Variants in PEX5 observed in about 807,000 individuals in gnomAD.
PEX5 encodes peroxisomal biogenesis factor 5, also known as PTS1 receptor.
PEX5 carries 52 observed loss-of-function variants against 82.9 expected under a neutral mutation model. That is an observed-to-expected ratio of 0.63 (90% confidence interval 0.50 to 0.79). The LOEUF is 0.79. Ranked by LOEUF, PEX5 falls within the 30% of genes least tolerant of loss-of-function variation. The probability of loss-of-function intolerance (pLI) is 0.00; values close to 1 mark genes in which losing one functional copy is unlikely to be tolerated. For missense variants in PEX5, 719 were observed against 815.2 expected, an observed-to-expected ratio of 0.88 and a Z score of 1.44; for synonymous variants, 300 against 318.8, an observed-to-expected ratio of 0.94 and a Z score of 0.63.
chr12:7,197,375 C>CATATACAATGTAATATATATGTT (rs1565688443), intron 5 of PEX5, among the ~76,000 whole-genome samples: 6 of 137,636 alleles, frequency 4.4e-5, no homozygotes, highest in African/African-American at 1.7e-4. Context: ...TTATATATGT[C>CATATACAATGTAATATATATGTT]ATATACAATG....
intron 10 of PEX5, among the ~76,000 whole-genome samples, chr12:7,205,832 A>G (rs1002226959): frequency 6.6e-6 from 1 of 152,228 alleles, no homozygotes; most frequent in Non-Finnish European, 1.5e-5. Context: ...GAGTTGTTGT[A>G]TTATCTAATG....
Position 7,209,743 on chromosome 12 carries a change from G to A in PEX5, c.1621G>A (p.Ala541Thr). 6.7e-7 allele frequency: 1 copy of A among 1,499,680 alleles called. No homozygotes were observed. Among genetic ancestry groups the A allele is most frequent in the Non-Finnish European group, 8.9e-7 (1 of 1,120,250 alleles). The allele number at this position is 1,499,680 out of a possible 1,614,324, so 92.9% of individuals were successfully genotyped here. A position where few individuals can be genotyped will look rare whatever the true frequency, so the allele number is the denominator to read the frequency against. ...TLANGNQSEE[A>T]VAAYRRALEL... is the part of the protein sequence containing the mutation. Reference sequence around the variant, plus strand: ...GGCCAATGGAAACCAGAGTGAAGAAGCAGTAGCTGCGTACCGCCGGGCCCT... The same window carrying A: ...GGCCAATGGAAACCAGAGTGAAGAAACAGTAGCTGCGTACCGCCGGGCCCT... The change falls in exon 15 of 16, where the codon GCA becomes ACA. Residue 541 changes from alanine (A) to threonine (T), a missense_variant. By Grantham distance (58) the Ala-to-Thr change is moderately conservative. Transcript: ENST00000675855.
In PEX5 at chr12:7,191,260, C is replaced by G. The variant is rs1224552400; in HGVS notation, c.218C>G (p.Pro73Arg). ...VAEFLQDQNA[P>R]LVSRAPQTFK... ...GAATTCCTGCAGGACCAGAATGCAC[C>G]CCTTGTGTCCCGTGCCCCTCAGACC... The change falls in exon 4 of 16, where the codon CCC becomes CGC. Residue 73 changes from proline (P) to arginine (R), a missense_variant. Physicochemically the swap from Pro to Arg is moderately radical, Grantham distance 103. Transcript: ENST00000675855. 4.3e-6 allele frequency: 7 copies of G among 1,614,092 alleles called. No individual in the cohort carries two copies. Among genetic ancestry groups the G allele is most frequent in the Non-Finnish European group, 5.9e-6 (7 of 1,179,980 alleles).
downstream of PEX5, among the ~76,000 whole-genome samples, chr12:7,213,759 C>G (rs1482314643): frequency 6.7e-6 from 1 of 150,312 alleles, no homozygotes; most frequent in Non-Finnish European, 1.5e-5. Flanking sequence ...TTCTGCACAG[C>G]AAAAGAAACT....
chr12:7,196,194 AAT>A (rs992812774), intron 5 of PEX5, among the ~76,000 whole-genome samples: 29 of 140,838 alleles, frequency 2.1e-4, no homozygotes, highest in South Asian at 9.1e-4. Flanking sequence ...TATATAATGT[AAT>A]ATATGTTATG....
At chr12:7,204,060 A>T (rs1449415655) in intron 10 of PEX5, among the ~76,000 whole-genome samples, 1 of 152,250 alleles carries the variant, frequency 6.6e-6, no homozygotes, top group Non-Finnish European at 1.5e-5. Context: ...AATATTAGGG[A>T]AATTTCTTAG....
At chr12:7,213,742 A>T (rs1326228891), downstream of PEX5, among the ~76,000 whole-genome samples, 2 of 150,376 alleles carry the variant, frequency 1.3e-5, no homozygotes, top group Non-Finnish European at 3.0e-5. Flanking sequence ...TAATTAAACT[A>T]AAGAGCTTCT....
chr12:7,210,059 C>T lies in PEX5; in HGVS notation c.1756C>T (p.Gln586Ter), dbSNP rs754153459. 3 of 1,614,234 alleles carry T rather than the reference C, an allele frequency of 1.9e-6. No homozygotes were observed. ...GCACTTTCTGGAGGCCCTGAACATG[C>T]AGAGGAAAAGCCGGGGCCCCCGGGG... ...VEHFLEALNM[Q>*]RKSRGPRGEG... The change falls in exon 16 of 16, where the codon CAG becomes TAG. Residue 586 changes from glutamine to a stop codon, truncating the protein, a stop_gained. Coordinates refer to ENST00000675855, the MANE Select transcript of PEX5 (RefSeq NM_001351132.2). LOFTEE classifies it high-confidence loss of function.
At position 7,201,797 on chromosome 12, in the gene PEX5, G is replaced by A. The variant is rs758801966; in HGVS notation, c.598G>A (p.Asp200Asn). ...PEEDLQHTAS[D>N]FVAKVDDPKL... ...GGAGGATCTGCAGCACACGGCCAGTGACTTTGTGGCCAAAGTGGATGACCC... is the reference window on the plus strand; with the variant it reads ...GGAGGATCTGCAGCACACGGCCAGTAACTTTGTGGCCAAAGTGGATGACCC... The change falls in exon 7 of 16, where the codon GAC becomes AAC. Residue 200 changes from aspartate (D) to asparagine (N), a missense_variant. Physicochemically the swap from Asp to Asn is conservative, Grantham distance 23 (BLOSUM62 1). Transcript: ENST00000675855. 1.2e-6 allele frequency: 2 copies of A among 1,613,916 alleles called. No individual in the cohort carries two copies.
chr12:7,202,177 A>C (rs1944155439), intron 7 of PEX5, 64 bp from the exon 8 acceptor site: 1 of 1,612,374 alleles, frequency 6.2e-7, no homozygotes. Flanking sequence ...CCTCTTGGGC[A>C]TGGTTGAGAG....
At chr12:7,217,039 T>G (rs1945799255) in intron 17 of PEX5, among the ~76,000 whole-genome samples, 1 of 152,208 alleles carries the variant, frequency 6.6e-6, no homozygotes, top group Non-Finnish European at 1.5e-5. Context: ...AGTAATCCAG[T>G]GTTTCATTTG....
chr12:7,191,169 C>T, intron 3 of PEX5, 57 bp from the exon 4 acceptor site: 1 of 1,608,332 alleles, frequency 6.2e-7, no homozygotes. Flanking sequence ...GTGGGTCCTG[C>T]CTCTTGCTGG....
chr12:7,203,519 T>C lies in PEX5; in HGVS notation c.934T>C (p.Tyr312His), dbSNP rs753401250. 7 of 1,614,056 alleles carry C rather than the reference T, an allele frequency of 4.3e-6. No individual in the cohort carries two copies. Among genetic ancestry groups the C allele is most frequent in the Non-Finnish European group, 5.1e-6 (6 of 1,179,972 alleles). Residue 312 changes from tyrosine to histidine, a missense_variant, in exon 10 of 16, where the codon TAT becomes CAT. Coordinates refer to ENST00000675855, the MANE Select transcript of PEX5 (RefSeq NM_001351132.2). Reference sequence around the variant, plus strand: ...TGAGGCCCACCCCTGGCTTTCTGACTATGATGACCTTACGTCAGCTACCTA... The same window carrying C: ...TGAGGCCCACCCCTGGCTTTCTGACCATGATGACCTTACGTCAGCTACCTA... ...DAEAHPWLSD[Y>H]DDLTSATYDK... is the part of the protein sequence containing the mutation.
At chr12:7,190,192 G>A in intron 1 of PEX5, 170 bp from the exon 2 acceptor site, 1 of 1,539,694 alleles carries the variant, frequency 6.5e-7, no homozygotes, top group Non-Finnish European at 8.7e-7. Flanking sequence ...AGAGAGTACC[G>A]ACCTCCCTCG....
At chr12:7,195,571 C>T (rs1941929377) in intron 5 of PEX5, among the ~76,000 whole-genome samples, 1 of 150,062 alleles carries the variant, frequency 6.7e-6, no homozygotes, top group Admixed American at 6.6e-5. Context: ...GTTAAGTCCT[C>T]ATGTCTGTTG....
Position 7,208,656 on chromosome 12 carries a change from T to A in PEX5, c.1381T>A (p.Ser461Thr), listed in dbSNP as rs369698308. 1.4e-5 allele frequency: 23 copies of A among 1,612,964 alleles called. 1 individual carries two copies. In the African/African-American group the frequency reaches 2.9e-4, roughly 21 times the overall value. Residue 461 changes from serine to threonine, a missense_variant, in exon 13 of 16, where the codon TCT (serine) becomes ACT (threonine). Ser to Thr is a moderately conservative substitution (Grantham distance 58, BLOSUM62 1). Coordinates refer to ENST00000675855, the MANE Select transcript of PEX5 (RefSeq NM_001351132.2). ...GGGCCCCAGCAAGCGTATCCTGGGA[T>A]CTCTCTTGTCTGAGTGAGTATGAGG... Reference protein sequence around the residue: ...GLGPSKRILGSLLSDSLFLEV... With the variant: ...GLGPSKRILGTLLSDSLFLEV...
At chr12:7,192,637 T>C (rs1439479933) in intron 5 of PEX5, among the ~76,000 whole-genome samples, 1 of 152,102 alleles carries the variant, frequency 6.6e-6, no homozygotes, top group Non-Finnish European at 1.5e-5. Context: ...GAGATACACA[T>C]AGAGAAAGTT....
intron 3 of PEX5, 124 bp from the exon 4 acceptor site, chr12:7,191,102 G>A (rs1458007822): frequency 9.1e-6 from 11 of 1,214,782 alleles, no homozygotes; most frequent in Admixed American, 6.8e-5. Flanking sequence ...TTCTCTTTAT[G>A]TGTCTCCAGT....
chr12:7,189,900 C>A (rs1374651430), intron 1 of PEX5, 150 bp downstream of exon 1: 3 of 1,418,064 alleles, frequency 2.1e-6, no homozygotes, highest in South Asian at 1.5e-5. Context: ...CGGGCCGAGC[C>A]GGGGGAAGGG....
Sources: allele counts gnomAD v4.1 joint callset (sites outside exome capture counted in the v4.1 genomes callset), GRCh38; gene constraint gnomAD v4.1.1; transcripts MANE v1.5; gene names NCBI Gene and HGNC (gene_info 2026-07-23, HGNC 2026-07-21).